Variants in TET2 observed in about 807,000 individuals in gnomAD.
TET2 encodes the protein tet methylcytosine dioxygenase 2.
A neutral mutation model predicts 142.9 loss-of-function variants in TET2; 299 were observed. The ratio of observed to expected loss-of-function variants is 2.09; its 90% CI spans 1.90 to 2.30. The LOEUF (loss-of-function observed/expected upper bound fraction) is 2.30. Ranked by LOEUF, TET2 falls within the 30% of genes most tolerant of loss-of-function variation. The probability of loss-of-function intolerance (pLI) is 0.00; values close to 1 mark genes in which losing one functional copy is unlikely to be tolerated. For synonymous variants in TET2, 819 were observed against 849.0 expected, an observed-to-expected ratio of 0.96 and a Z score of 0.61; for missense variants, 2,418 against 2,378.0, an observed-to-expected ratio of 1.02 and a Z score of -0.35.
At chr4:105,165,190 C>T (rs957353600) in intron 1 of TET2, among the ~76,000 whole-genome samples, 3 of 151,888 alleles carry the variant, frequency 2.0e-5, no homozygotes, top group African/African-American at 7.3e-5. Flanking sequence ...ACCTGGCCAA[C>T]GTAGAGAAAC....
intron 1 of TET2, among the ~76,000 whole-genome samples, chr4:105,174,689 CACTT>C (rs1724677109): frequency 6.6e-6 from 1 of 152,188 alleles, no homozygotes; most frequent in South Asian, 2.1e-4. Context: ...CAGGAGGACT[CACTT>C]ACGGAAGGGC....
intron 6 of TET2, among the ~76,000 whole-genome samples, chr4:105,250,520 C>A (rs1049299007): frequency 6.6e-6 from 1 of 151,308 alleles, no homozygotes; most frequent in Non-Finnish European, 1.5e-5. Context: ...CATGAGCCAC[C>A]ACATCCAACC....
At chr4:105,179,988 G>A (rs950137939) in intron 1 of TET2, among the ~76,000 whole-genome samples, 3 of 152,242 alleles carry the variant, frequency 2.0e-5, no homozygotes, top group South Asian at 2.1e-4. Context: ...GCCTACTAAG[G>A]GTTGTTCATT....
At chr4:105,270,480 C>T (rs1162377464) in intron 9 of TET2, among the ~76,000 whole-genome samples, 2 of 152,078 alleles carry the variant, frequency 1.3e-5, no homozygotes, top group Non-Finnish European at 2.9e-5. Context: ...AAGCCATTCA[C>T]CTTACAGAGA....
intron 1 of TET2, among the ~76,000 whole-genome samples, chr4:105,185,140 T>G (rs978868233): frequency 2.0e-5 from 3 of 152,188 alleles, no homozygotes; most frequent in African/African-American, 4.8e-5. Context: ...TTCATGTTTA[T>G]AGGTAGAGTG....
At chr4:105,227,456 G>C (rs1478330884) in intron 2 of TET2, among the ~76,000 whole-genome samples, 5 of 152,050 alleles carry the variant, frequency 3.3e-5, no homozygotes, top group Non-Finnish European at 7.4e-5. Context: ...ATCTTATTTG[G>C]CATGGACTCT....
At position 105,234,585 on chromosome 4, in the gene TET2, G is replaced by C. The variant is rs754038383; in HGVS notation, c.643G>C (p.Ala215Pro). 9.3e-6 allele frequency: 15 copies of C among 1,614,138 alleles called. No individual in the cohort carries two copies. The South Asian group carries it at 1.6e-4, about 18-fold the overall frequency. Residue 215 changes from alanine to proline, a missense_variant, in exon 3 of 11, where the codon GCC becomes CCC. Physicochemically the swap from Ala to Pro is conservative, Grantham distance 27 (BLOSUM62 -1). Coordinates refer to ENST00000380013, the MANE Select transcript of TET2 (RefSeq NM_001127208.3). ...VLMPNGATVSASSVEHTHGEL... is the reference protein window; with the variant it reads ...VLMPNGATVSPSSVEHTHGEL... ...AATGCCTAATGGTGCTACAGTTTCTGCCTCTTCCGTGGAACACACACATGG... is the reference window on the plus strand; with the variant it reads ...AATGCCTAATGGTGCTACAGTTTCTCCCTCTTCCGTGGAACACACACATGG...
In TET2 at chr4:105,249,218, G is replaced by C. The variant is rs563054399; in HGVS notation, c.3803+5440G>C. Among the ~76,000 whole-genome samples the C allele has an allele frequency of 6.2e-4, 94 of 151,974 alleles. 1 individual carries two copies. In the South Asian group the frequency reaches 0.019, roughly 30 times the overall value. On this transcript the variant is annotated intron_variant, in intron 6 of 10. Coordinates refer to ENST00000380013, the MANE Select transcript of TET2 (RefSeq NM_001127208.3). The stretch of plus-strand genomic sequence containing the variant: ...ATTTTTGTATTTTTAGTAGAGACAG[G>C]GTTTCACCATGTTGGCTAGGCTGGT...
intron 1 of TET2, among the ~76,000 whole-genome samples, chr4:105,157,548 C>G (rs1302927330): frequency 6.6e-6 from 1 of 152,166 alleles, no homozygotes; most frequent in African/African-American, 2.4e-5. Flanking sequence ...TGGCAGAAAG[C>G]AAAGCTAATA....
intron 1 of TET2, among the ~76,000 whole-genome samples, chr4:105,161,100 A>G (rs1056661421): frequency 2.0e-5 from 3 of 152,326 alleles, no homozygotes; most frequent in East Asian, 3.9e-4. Flanking sequence ...TATATCTGGA[A>G]TAATTTAAAT....
chr4:105,247,788 C>T (rs1407105505), intron 6 of TET2, among the ~76,000 whole-genome samples: 1 of 128,260 alleles, frequency 7.8e-6, no homozygotes, highest in African/African-American at 2.9e-5. Flanking sequence ...GTGGCCCAAT[C>T]TCAGCTCACT....
rs1236567648 is a variant in TET2 at position 105,178,135 on chromosome 4, A to G, written c.-192-12225A>G. The G allele has an allele frequency of 2.6e-5, 4 of 152,148 alleles. 1 individual carries two copies. The highest frequency in any genetic ancestry group is 5.9e-5 in the Non-Finnish European group (4 of 68,026). 9.4% of individuals were successfully genotyped at this position (152,148 alleles called of 1,614,324 possible). ...ACAAACAAACAAAACTTATCTCCAC[A>G]TAAAAACCTGCACACATTGTTTAAC... On this transcript the variant is annotated intron_variant, in intron 1 of 10. Coordinates refer to ENST00000380013, the MANE Select transcript of TET2 (RefSeq NM_001127208.3).
At chr4:105,168,519 T>C (rs1724279411) in intron 1 of TET2, among the ~76,000 whole-genome samples, 1 of 152,152 alleles carries the variant, frequency 6.6e-6, no homozygotes, top group African/African-American at 2.4e-5. Context: ...ATAAATTCCC[T>C]AACCATTCTA....
intron 2 of TET2, among the ~76,000 whole-genome samples, chr4:105,217,780 G>T (rs1455502878): frequency 6.6e-6 from 1 of 151,986 alleles, no homozygotes; most frequent in African/African-American, 2.4e-5. Flanking sequence ...TATCACATAT[G>T]ATAAGAATCT....
chr4:105,269,842 A>C (rs780532372), intron 9 of TET2, 95 bp downstream of exon 9: 26 of 1,405,094 alleles, frequency 1.9e-5, no homozygotes, highest in Non-Finnish European at 2.5e-5. Flanking sequence ...TAAAGGAAAG[A>C]GATTTAATTG....
intron 3 of TET2, chr4:105,241,056 C>G: frequency 2.8e-6 from 3 of 1,063,950 alleles, no homozygotes; most frequent in Non-Finnish European, 3.5e-6. Context: ...AATTCCCTCA[C>G]TGTATTCTTT....
In TET2 at chr4:105,220,552, C is replaced by T. The variant is rs78895956; in HGVS notation, c.-46-13345C>T. ...CCTGATACCTCCCCTCCCCCTCTAC[C>T]GTGAGCACCAGTGCCTAGGAGATTG... On this transcript the variant is annotated intron_variant, in intron 2 of 10. Coordinates refer to ENST00000380013, the MANE Select transcript of TET2 (RefSeq NM_001127208.3). Among the ~76,000 whole-genome samples, 12 of 152,210 alleles carry T rather than the reference C, an allele frequency of 7.9e-5. No homozygotes were observed. In the East Asian group the frequency reaches 1.7e-3, roughly 22 times the overall value.
chr4:105,212,864 C>G (rs1273595807), intron 2 of TET2, among the ~76,000 whole-genome samples: 1 of 152,056 alleles, frequency 6.6e-6, no homozygotes, highest in Non-Finnish European at 1.5e-5. Flanking sequence ...GTGGCACGTG[C>G]CTGTAGTCCC....
At chr4:105,163,854 A>AGAGAGAGAGAGAGAGTGT (rs1553942671) in intron 1 of TET2, among the ~76,000 whole-genome samples, 51 of 85,228 alleles carry the variant, frequency 6.0e-4, no homozygotes, top group Non-Finnish European at 7.9e-4. Flanking sequence ...AGAGAGAGAG[A>AGAGAGAGAGAGAGAGTGT]GTGTGTGTGT....
Sources: allele counts gnomAD v4.1 joint callset (sites outside exome capture counted in the v4.1 genomes callset), GRCh38; gene constraint gnomAD v4.1.1; transcripts MANE v1.5; gene names NCBI Gene and HGNC (gene_info 2026-07-23, HGNC 2026-07-21).